The following PRKN variants were observed in gnomAD, a reference collection of about 807,000 sequenced individuals.
PRKN encodes E3 ubiquitin-protein ligase parkin.
Under a neutral mutation model 59.5 loss-of-function variants are expected in PRKN, and 56 were observed. That is an observed-to-expected ratio of 0.94 (90% CI 0.76 to 1.18). The LOEUF is 1.18. Ranked by LOEUF, PRKN falls within the 50% of genes most tolerant of loss-of-function variation. PRKN has a pLI of 0.00. For missense variants in PRKN, 657 were observed against 596.4 expected, an observed-to-expected ratio of 1.10 and a Z score of -1.06; for synonymous variants, 250 against 222.1, an observed-to-expected ratio of 1.13 and a Z score of -1.12.
intron 4 of PRKN, among the ~76,000 whole-genome samples, chr6:162,157,740 C>T (rs1221016159): frequency 6.6e-6 from 1 of 151,980 alleles, no homozygotes; most frequent in Non-Finnish European, 1.5e-5. Context: ...ATTTCTGGGA[C>T]TATAATGCAA....
intron 1 of PRKN, among the ~76,000 whole-genome samples, chr6:162,477,489 T>C (rs1293190307): frequency 6.6e-6 from 1 of 152,206 alleles, no homozygotes; most frequent in African/African-American, 2.4e-5. Context: ...ACTGGCTTTA[T>C]AAGAGTCGAG....
At chr6:161,903,808 T>G (rs529204795) in intron 6 of PRKN, among the ~76,000 whole-genome samples, 2 of 151,912 alleles carry the variant, frequency 1.3e-5, no homozygotes, top group African/African-American at 4.8e-5. Flanking sequence ...TTTTCTTTTT[T>G]TTTTTTTAAT....
At chr6:161,638,639 C>T (rs1783616592) in intron 7 of PRKN, among the ~76,000 whole-genome samples, 1 of 151,904 alleles carries the variant, frequency 6.6e-6, no homozygotes. Flanking sequence ...CCATAATCCC[C>T]ATGTGTTGTG....
intron 7 of PRKN, among the ~76,000 whole-genome samples, chr6:161,647,267 G>T (rs1188754114): frequency 2.6e-5 from 4 of 152,178 alleles, no homozygotes; most frequent in Non-Finnish European, 4.4e-5. Flanking sequence ...TGAACAGTAT[G>T]CAGAACATAC....
At chr6:162,452,794 GGGACTACGT>G (rs1439470043) in intron 1 of PRKN, among the ~76,000 whole-genome samples, 1 of 131,636 alleles carries the variant, frequency 7.6e-6, no homozygotes, top group Admixed American at 7.8e-5. Flanking sequence ...TTAAAAGGCA[GGGACTACGT>G]GGACAGAGGG....
intron 4 of PRKN, among the ~76,000 whole-genome samples, chr6:162,070,653 T>G (rs1778536700): frequency 6.6e-6 from 1 of 152,100 alleles, no homozygotes; most frequent in African/African-American, 2.4e-5. Context: ...AGGGACCCAG[T>G]GGGATGGTTT....
chr6:162,201,326 T>C lies in PRKN; in HGVS notation c.413-74A>G, dbSNP rs924691066. 4.1e-6 allele frequency: 6 copies of C among 1,452,922 alleles called. No homozygotes were observed. The South Asian group carries it at 6.8e-5, about 17-fold the overall frequency. The allele number at this position is 1,452,922 out of a possible 1,614,324, so 90.0% of individuals were successfully genotyped here. The stretch of plus-strand genomic sequence containing the variant: ...TGAGACAAGAAACTCTTTAAAAGCT[T>C]GTTAGAGGCAAATTTTAAAACTCAG... On this transcript the variant is annotated intron_variant, in intron 3 of 11. Coordinates refer to ENST00000366898, the MANE Select transcript of PRKN (RefSeq NM_004562.3).
intron 5 of PRKN, among the ~76,000 whole-genome samples, chr6:162,042,565 A>T (rs1395423789): frequency 6.6e-6 from 1 of 152,158 alleles, no homozygotes; most frequent in African/African-American, 2.4e-5. Context: ...GTGGGGTTAT[A>T]GGCATGGTCC....
At chr6:162,134,283 A>G in intron 4 of PRKN, among the ~76,000 whole-genome samples, 1 of 152,162 alleles carries the variant, frequency 6.6e-6, no homozygotes, top group East Asian at 1.9e-4. Flanking sequence ...CAATAAAATC[A>G]TTTTTTAACT....
rs1583140895 is a variant in PRKN at position 161,487,875 on chromosome 6, A to G, written c.1083+60979T>C. On this transcript the variant is annotated intron_variant, in intron 9 of 11. Coordinates refer to ENST00000366898, the MANE Select transcript of PRKN (RefSeq NM_004562.3). The surrounding 1 kb of genome is among the most constrained non-coding windows in gnomAD (Gnocchi z 5.3). ...CTGCTCCTTGCCTCCCTCCCTTCCC[A>G]CCTCCCCCTACCTTCCTTCCTCTTT... 6.7e-6 allele frequency among the ~76,000 whole-genome samples: 1 copy of G among 149,940 alleles called. No homozygotes were observed. The highest frequency in any genetic ancestry group is 2.0e-4 in the East Asian group (1 of 5,110).
rs565605999 is a variant in PRKN at position 162,309,106 on chromosome 6, G to A, written c.172-46341C>T. Among the ~76,000 whole-genome samples, 6 of 152,160 alleles carry A rather than the reference G, an allele frequency of 3.9e-5. No individual in the cohort carries two copies. The South Asian group carries it at 1.2e-3, about 32-fold the overall frequency. ...GAGACATGACTGACCTTAAAACGCA[G>A]GTGACAATGATACCCCTTTTCCTCA... On this transcript the variant is annotated intron_variant, in intron 2 of 11. Transcript: ENST00000366898.
chr6:161,748,929 T>G (rs1788553613), intron 7 of PRKN, among the ~76,000 whole-genome samples: 2 of 152,190 alleles, frequency 1.3e-5, no homozygotes, highest in Admixed American at 1.3e-4. Flanking sequence ...TCATGTGTAT[T>G]CCACAACGCA....
At chr6:161,978,613 TA>T (rs531212974) in intron 5 of PRKN, among the ~76,000 whole-genome samples, 44 of 152,156 alleles carry the variant, frequency 2.9e-4, no homozygotes, top group Non-Finnish European at 4.3e-4. Context: ...TTTAAAAAAT[TA>T]AAAAAGTCAA....
chr6:161,759,612 A>G (rs951074022), intron 7 of PRKN, among the ~76,000 whole-genome samples: 1 of 152,168 alleles, frequency 6.6e-6, no homozygotes, highest in African/African-American at 2.4e-5. Flanking sequence ...TTTATTCTAT[A>G]TACTGTCAAT....
intron 3 of PRKN, among the ~76,000 whole-genome samples, chr6:162,241,636 A>T (rs768685304): frequency 3.0e-4 from 46 of 152,176 alleles, no homozygotes; most frequent in Non-Finnish European, 6.0e-4. Context: ...AAGCTACTTT[A>T]TTCAAGAGTA....
intron 5 of PRKN, among the ~76,000 whole-genome samples, chr6:162,033,562 A>G (rs1225691169): frequency 6.6e-6 from 1 of 152,176 alleles, no homozygotes; most frequent in African/African-American, 2.4e-5. Context: ...TCTAGCCCCA[A>G]AATATCATTT....
At chr6:162,230,865 T>G (rs1277136349) in intron 3 of PRKN, among the ~76,000 whole-genome samples, 1 of 152,208 alleles carries the variant, frequency 6.6e-6, no homozygotes, top group African/African-American at 2.4e-5. Flanking sequence ...TGCATGCCCA[T>G]CTGAAAATAA....
At position 162,056,325 on chromosome 6, in the gene PRKN, ACAC is replaced by A. The variant is rs1777866083; in HGVS notation, c.535-2154_535-2152del. Among the ~76,000 whole-genome samples the A allele has an allele frequency of 6.6e-6, 1 of 151,748 alleles. No homozygotes were observed. Among genetic ancestry groups the A allele is most frequent in the Admixed American group, 6.6e-5 (1 of 15,242 alleles). The stretch of plus-strand genomic sequence containing the variant: ...ACACACCACGCACACACGCACACAC[ACAC>A]AATACCACACAGCACACAGGCATAC... On this transcript the variant is annotated intron_variant, in intron 4 of 11. Transcript: ENST00000366898. This position sits in a 1 kb window ranked among gnomAD's most constrained non-coding sequence, Gnocchi z 4.9.
At chr6:162,513,917 G>A (rs530611218) in intron 1 of PRKN, among the ~76,000 whole-genome samples, 89 of 151,876 alleles carry the variant, frequency 5.9e-4, no homozygotes, top group African/African-American at 1.9e-3. Context: ...ATGGTGATGC[G>A]TGCCTGTAGT....
Sources: gnomAD v4.1 joint callset for allele counts (sites outside exome capture counted in the v4.1 genomes callset) on GRCh38, gnomAD v4.1.1 for gene constraint, Gnocchi (gnomAD v3.1) non-coding constraint, MANE v1.5 for transcripts, NCBI Gene and HGNC (gene_info 2026-07-23, HGNC 2026-07-21) for gene names.